The following RPS6KA2 variants were observed in gnomAD, a reference collection of about 807,000 sequenced individuals.
The protein encoded by RPS6KA2 is ribosomal protein S6 kinase A2.
Under a neutral mutation model 91.8 loss-of-function variants are expected in RPS6KA2, and 42 were observed. That is an observed-to-expected ratio of 0.46 (90% CI 0.36 to 0.59). The LOEUF (loss-of-function observed/expected upper bound fraction) is 0.59. RPS6KA2 is among the 20% of genes least tolerant of loss of function. The probability of loss-of-function intolerance (pLI) is 0.00; values close to 1 mark genes in which losing one functional copy is unlikely to be tolerated. For synonymous variants in RPS6KA2, 414 were observed against 393.6 expected (o/e 1.05, Z -0.61); for missense variants, 798 against 978.5 (o/e 0.82, Z 2.46).
At chr6:166,414,670 C>T (rs1347439374) in intron 19 of RPS6KA2, among the ~76,000 whole-genome samples, 2 of 152,220 alleles carry the variant, frequency 1.3e-5, no homozygotes, top group African/African-American at 4.8e-5. Flanking sequence ...CAGATGAAGA[C>T]ATTACTGCCT....
intron 17 of RPS6KA2, among the ~76,000 whole-genome samples, chr6:166,422,735 G>C (rs545100612): frequency 2.6e-5 from 4 of 152,308 alleles, no homozygotes; most frequent in African/African-American, 9.6e-5. Flanking sequence ...ACTGAACAAC[G>C]TAAGCTTTCA....
chr6:166,852,017 C>A lies in RPS6KA2; in HGVS notation c.123+6183G>T, dbSNP rs1175435536. 6.6e-6 allele frequency among the ~76,000 whole-genome samples: 1 copy of A among 152,166 alleles called. No individual in the cohort carries two copies. On this transcript the variant is annotated intron_variant, in intron 2 of 21. Transcript: ENST00000503859. This position sits in a 1 kb window ranked among gnomAD's most constrained non-coding sequence, Gnocchi z 4.1. The stretch of plus-strand genomic sequence containing the variant: ...CAATAAATGCTAATGTTCCATGAAG[C>A]CAATGTTATTCTCACCCGCTCCACA...
At chr6:166,607,796 T>C (rs560034159) in intron 1 of RPS6KA2, among the ~76,000 whole-genome samples, 1 of 152,348 alleles carries the variant, frequency 6.6e-6, no homozygotes, top group South Asian at 2.1e-4. Context: ...CAAAATGTTA[T>C]GGCATTCAGG....
intron 13 of RPS6KA2, among the ~76,000 whole-genome samples, chr6:166,450,308 T>C (rs115567332): frequency 1.3e-3 from 155 of 119,272 alleles, no homozygotes; most frequent in African/African-American, 4.8e-3. Context: ...GGGACCACCA[T>C]AGGGACCACC....
chr6:166,532,485 C>T (rs1273389395), intron 2 of RPS6KA2, among the ~76,000 whole-genome samples: 4 of 152,220 alleles, frequency 2.6e-5, no homozygotes, highest in African/African-American at 7.2e-5. Flanking sequence ...TGTGGATTCA[C>T]GGAGTTGCTG....
chr6:166,488,727 G>T (rs1583198210), intron 10 of RPS6KA2, 106 bp downstream of exon 10: 2 of 786,592 alleles, frequency 2.5e-6, no homozygotes, highest in East Asian at 2.7e-5. Flanking sequence ...CAGTGACCTT[G>T]GTTGGCATTG....
intron 2 of RPS6KA2, among the ~76,000 whole-genome samples, chr6:166,730,625 C>A (rs926224139): frequency 6.6e-6 from 1 of 152,146 alleles, no homozygotes; most frequent in African/African-American, 2.4e-5. Context: ...TCATTCACAG[C>A]TTTTATTCTA....
intron 2 of RPS6KA2, among the ~76,000 whole-genome samples, chr6:166,677,522 A>C (rs1478181221): frequency 6.6e-6 from 1 of 152,012 alleles, no homozygotes; most frequent in African/African-American, 2.4e-5. Context: ...CACCACTCCC[A>C]GCTAATTTTT....
Position 166,701,518 on chromosome 6 carries a change from G to A in RPS6KA2, c.123+156682C>T, listed in dbSNP as rs1789519652. The A allele has an allele frequency of 2.8e-6, 4 of 1,421,670 alleles. No homozygotes were observed. The South Asian group carries it at 4.6e-5, about 16-fold the overall frequency. 88.1% of individuals were successfully genotyped at this position (1,421,670 alleles called of 1,614,324 possible). On this transcript the variant is annotated intron_variant, in intron 2 of 21. Transcript: ENST00000503859. ...TGCTTCCACTGGAGCAATCTTACTT[G>A]AAGCTCCAGCAAAGCGAGAAAGCTG...
In RPS6KA2 at chr6:166,648,246, ACAGG is replaced by A. The variant is rs75110878; in HGVS notation, c.124-109466_124-109463del. 0.11 allele frequency among the ~76,000 whole-genome samples: 16,383 copies of A among 150,410 alleles called. 943 individuals are homozygous for A. Among genetic ancestry groups the A allele is most frequent in the South Asian group, 0.17 (820 of 4,760 alleles). ...CACATGCGCACACACACACATTCAC[ACAGG>A]CACACACACTCATGTTCATACACAC... On this transcript the variant is annotated intron_variant, in intron 2 of 21. Transcript: ENST00000503859. The surrounding 1 kb of genome is among the most constrained non-coding windows in gnomAD (Gnocchi z 4.8).
chr6:166,680,148 A>C (rs898780804), intron 2 of RPS6KA2, among the ~76,000 whole-genome samples: 1 of 152,126 alleles, frequency 6.6e-6, no homozygotes, highest in Non-Finnish European at 1.5e-5. Context: ...AGGTATGTAA[A>C]CGCACCAATC....
At chr6:166,455,961 G>A (rs1780089709) in intron 12 of RPS6KA2, among the ~76,000 whole-genome samples, 1 of 152,264 alleles carries the variant, frequency 6.6e-6, no homozygotes, top group African/African-American at 2.4e-5. Context: ...CCACACGAGT[G>A]TGAAGTGCTG....
chr6:166,810,083 G>C (rs1562451243), intron 2 of RPS6KA2, among the ~76,000 whole-genome samples: 1 of 152,206 alleles, frequency 6.6e-6, no homozygotes, highest in Non-Finnish European at 1.5e-5. Flanking sequence ...CTGAAGACAA[G>C]GTGGCAGGAT....
chr6:166,414,009 C>G, intron 19 of RPS6KA2, 78 bp from the exon 20 acceptor site: 4 of 1,387,782 alleles, frequency 2.9e-6, no homozygotes, highest in Non-Finnish European at 4.0e-6. Flanking sequence ...CAGCAGAACT[C>G]CTCTCCCTCT....
At chr6:166,780,607 A>G (rs1168355347) in intron 2 of RPS6KA2, among the ~76,000 whole-genome samples, 1 of 152,164 alleles carries the variant, frequency 6.6e-6, no homozygotes, top group Admixed American at 6.5e-5. Flanking sequence ...CACCCAGAGG[A>G]GCTGGAGAAC....
intron 10 of RPS6KA2, among the ~76,000 whole-genome samples, chr6:166,486,949 A>T (rs1781433893): frequency 6.6e-6 from 1 of 152,252 alleles, no homozygotes; most frequent in Non-Finnish European, 1.5e-5. Context: ...CAGACGGTGC[A>T]GAGCCGTGGC....
rs558574446 is a variant in RPS6KA2, at chr6:166,459,087, C to T, written c.1075+362G>A. 4.6e-5 allele frequency among the ~76,000 whole-genome samples: 7 copies of T among 152,312 alleles called. No individual in the cohort carries two copies. The highest frequency in any genetic ancestry group is 1.4e-4 in the African/African-American group (6 of 41,564). ...CTCATAAATCTATAGACATAACTGA[C>T]AGCCTTCCCTCTCCGTAAATGCACT... is the stretch of plus-strand genomic sequence containing the variant. On this transcript the variant is annotated intron_variant, in intron 12 of 20. Coordinates refer to ENST00000265678, the MANE Select transcript of RPS6KA2 (RefSeq NM_021135.6). The surrounding 1 kb of genome is among the most constrained non-coding windows in gnomAD (Gnocchi z 4.9).
intron 2 of RPS6KA2, among the ~76,000 whole-genome samples, chr6:166,741,794 ATTC>A (rs1397877336): frequency 1.3e-5 from 2 of 152,202 alleles, no homozygotes; most frequent in African/African-American, 4.8e-5. Flanking sequence ...CGTTTCCAGC[ATTC>A]TTCTGCTCTC....
At chr6:166,759,834 G>A (rs1479231331) in intron 2 of RPS6KA2, among the ~76,000 whole-genome samples, 1 of 152,188 alleles carries the variant, frequency 6.6e-6, no homozygotes, top group African/African-American at 2.4e-5. Flanking sequence ...CCGTATCCTC[G>A]CCCAGCGGTC....
Sources: allele counts gnomAD v4.1 joint callset (sites outside exome capture counted in the v4.1 genomes callset), GRCh38; gene constraint gnomAD v4.1.1; non-coding constraint Gnocchi (gnomAD v3.1); transcripts MANE v1.5; gene names NCBI Gene and HGNC (gene_info 2026-07-23, HGNC 2026-07-21).